Variants in DPP10 observed in about 807,000 individuals in gnomAD.
DPP10 encodes the protein inactive dipeptidyl peptidase 10.
Under a neutral mutation model 120.9 loss-of-function variants are expected in DPP10, and 33 were observed. The observed-to-expected ratio is 0.27, with a 90% CI of 0.21 to 0.37. DPP10 has a LOEUF of 0.37. Ranked by LOEUF, DPP10 falls within the 10% of genes least tolerant of loss-of-function variation. DPP10 has a pLI of 1.00. For synonymous variants in DPP10, 337 were observed against 326.1 expected, an observed-to-expected ratio of 1.03 and a Z score of -0.36; for missense variants, 816 against 942.8, an observed-to-expected ratio of 0.87 and a Z score of 1.76.
At chr2:114,463,762 G>A (rs1173143101) in intron 1 of DPP10, among the ~76,000 whole-genome samples, 2 of 151,994 alleles carry the variant, frequency 1.3e-5, no homozygotes, top group East Asian at 1.9e-4. Flanking sequence ...GAATACTCTC[G>A]CCACCCTAAA....
chr2:115,200,580 G>A (rs1303645697), intron 1 of DPP10, among the ~76,000 whole-genome samples: 1 of 152,174 alleles, frequency 6.6e-6, no homozygotes, highest in Non-Finnish European at 1.5e-5. Context: ...ATTTCCCTAA[G>A]CAGGCACAGC....
intron 1 of DPP10, among the ~76,000 whole-genome samples, chr2:114,660,060 C>G (rs1339668386): frequency 6.6e-6 from 1 of 152,168 alleles, no homozygotes; most frequent in Non-Finnish European, 1.5e-5. Context: ...GCCACCTTGT[C>G]TGTGCTACTT....
intron 3 of DPP10, among the ~76,000 whole-genome samples, chr2:115,449,092 A>G (rs2072879454): frequency 1.3e-5 from 2 of 152,190 alleles, no homozygotes; most frequent in Non-Finnish European, 2.9e-5. Flanking sequence ...ACTTTTCAGC[A>G]AAGTAACCCA....
At chr2:114,730,954 A>G (rs1489390330) in intron 1 of DPP10, among the ~76,000 whole-genome samples, 1 of 151,410 alleles carries the variant, frequency 6.6e-6, no homozygotes, top group Non-Finnish European at 1.5e-5. Context: ...CCAGCCAGAA[A>G]GTCTGCTAGC....
At chr2:115,414,337 C>G (rs955625433) in intron 3 of DPP10, among the ~76,000 whole-genome samples, 15 of 152,112 alleles carry the variant, frequency 9.9e-5, no homozygotes, top group African/African-American at 3.4e-4. Context: ...CTTCTAGTTT[C>G]CAGCCAGATA....
rs1574456257 is a variant in DPP10, at chr2:115,332,266, T to C, written c.176-11551T>C. On this transcript the variant is annotated intron_variant, in intron 2 of 25. Coordinates refer to ENST00000410059, the MANE Select transcript of DPP10 (RefSeq NM_020868.6). ...GTTTGTATTTCTGTGGGATCAGTGG[T>C]AATATCCCCTTTATCATTTTTTATT... Among the ~76,000 whole-genome samples the C allele has an allele frequency of 3.9e-5, 6 of 152,298 alleles. No individual in the cohort carries two copies. The South Asian group carries it at 1.0e-3, about 26-fold the overall frequency.
At position 115,802,042 on chromosome 2, in the gene DPP10, G is replaced by A. The variant is rs561449228; in HGVS notation, c.1700+10686G>A. On this transcript the variant is annotated intron_variant, in intron 19 of 25. Coordinates refer to ENST00000410059, the MANE Select transcript of DPP10 (RefSeq NM_020868.6). ...CCTCCTTGTACCTCTGGTAGAATTC[G>A]GCTGTGAATCCATCTGGTCCTGGAC... 3.3e-5 allele frequency among the ~76,000 whole-genome samples: 5 copies of A among 152,198 alleles called. No individual in the cohort carries two copies. In the East Asian group the frequency reaches 5.8e-4, roughly 18 times the overall value.
chr2:115,642,491 G>T (rs746841923), intron 5 of DPP10, among the ~76,000 whole-genome samples: 5 of 152,128 alleles, frequency 3.3e-5, no homozygotes, highest in Non-Finnish European at 7.4e-5. Context: ...TCTCCAGCCT[G>T]CTAATCTGTG....
intron 5 of DPP10, among the ~76,000 whole-genome samples, chr2:115,641,051 G>A (rs1055154992): frequency 2.6e-5 from 4 of 152,094 alleles, no homozygotes; most frequent in Non-Finnish European, 5.9e-5. Context: ...AGAATAATAT[G>A]TATTATATGA....
Position 115,268,405 on chromosome 2 carries a change from A to G in DPP10, c.61-40834A>G, listed in dbSNP as rs573066717. Among the ~76,000 whole-genome samples the G allele has an allele frequency of 3.5e-4, 53 of 152,334 alleles. 1 individual carries two copies. Among genetic ancestry groups the G allele is most frequent in the Non-Finnish European group, 8.8e-5 (6 of 68,028 alleles). ...CAAACCTTGAACAATCTAGTGAATG[A>G]ACGAATGTGTCTTCAGAGTTATGAC... On this transcript the variant is annotated intron_variant, in intron 1 of 25. Transcript: ENST00000410059.
intron 8 of DPP10, among the ~76,000 whole-genome samples, chr2:115,735,599 C>A (rs932824826): frequency 6.6e-6 from 1 of 150,968 alleles, no homozygotes; most frequent in Admixed American, 6.6e-5. Flanking sequence ...CGGCTCACTG[C>A]AAACTCCAGC....
At chr2:114,719,223 C>T (rs923903384) in intron 1 of DPP10, among the ~76,000 whole-genome samples, 2 of 152,142 alleles carry the variant, frequency 1.3e-5, no homozygotes, top group African/African-American at 4.8e-5. Context: ...GGCTGAGCAT[C>T]TACAGAGTAC....
chr2:114,462,197 C>T lies in DPP10; in HGVS notation c.60+19359C>T, dbSNP rs60938777. 3.8e-3 allele frequency: 3,692 copies of T among 975,648 alleles called. 84 individuals carry two copies. In the African/African-American group the frequency reaches 0.054, roughly 14 times the overall value. The allele number at this position is 975,648 out of a possible 1,614,324, so 60.4% of individuals were successfully genotyped here. ...AGTCTTAGAATAGTTTGATATTTAC[C>T]GACAAGTTGCGAAGATTTTACAGAG... On this transcript the variant is annotated intron_variant, in intron 1 of 25. Coordinates refer to ENST00000410059, the MANE Select transcript of DPP10 (RefSeq NM_020868.6).
intron 3 of DPP10, among the ~76,000 whole-genome samples, chr2:115,438,261 G>C (rs1174032796): frequency 6.6e-6 from 1 of 152,122 alleles, no homozygotes; most frequent in African/African-American, 2.4e-5. Context: ...TGTTAACAAG[G>C]ATGTGGAGAA....
chr2:114,488,732 G>T (rs537057685), intron 1 of DPP10, among the ~76,000 whole-genome samples: 184 of 152,242 alleles, frequency 1.2e-3, no homozygotes, highest in African/African-American at 4.3e-3. Context: ...CCAGCCTCGT[G>T]GCATCCCCAG....
At chr2:114,707,742 T>C (rs963327319) in intron 1 of DPP10, among the ~76,000 whole-genome samples, 3 of 152,138 alleles carry the variant, frequency 2.0e-5, no homozygotes, top group Admixed American at 1.3e-4. Context: ...CTGCTGTCTG[T>C]TCTGCTATCC....
At chr2:114,687,634 T>C (rs1274103578) in intron 1 of DPP10, among the ~76,000 whole-genome samples, 1 of 152,020 alleles carries the variant, frequency 6.6e-6, no homozygotes, top group Non-Finnish European at 1.5e-5. Flanking sequence ...TAAGAAAGGA[T>C]GAACAGCTGT....
Position 114,589,783 on chromosome 2 carries a change from C to CT in DPP10, c.60+146946dup, listed in dbSNP as rs201106638. Among the ~76,000 whole-genome samples, 903 of 147,244 alleles carry CT rather than the reference C, an allele frequency of 6.1e-3. 10 individuals carry two copies. Among genetic ancestry groups the CT allele is most frequent in the African/African-American group, 0.022 (873 of 38,868 alleles). On this transcript the variant is annotated intron_variant, in intron 1 of 25. Transcript: ENST00000410059. ...ACTGTCTCTTTCTCTTTTCCCAAAA[C>CT]TATGTATTGTTCTCTAGTTACCCTG...
chr2:115,797,314 G>A (rs973862732), intron 19 of DPP10, among the ~76,000 whole-genome samples: 12 of 151,908 alleles, frequency 7.9e-5, no homozygotes, highest in East Asian at 3.9e-4. Flanking sequence ...TAGGGTTTTC[G>A]CAGATCAGAT....
Sources: allele counts gnomAD v4.1 joint callset (sites outside exome capture counted in the v4.1 genomes callset), GRCh38; gene constraint gnomAD v4.1.1; transcripts MANE v1.5; gene names NCBI Gene and HGNC (gene_info 2026-07-23, HGNC 2026-07-21).